Variants in KIAA0825 observed in about 807,000 individuals in gnomAD.
KIAA0825 encodes uncharacterized protein KIAA0825.
In KIAA0825, 119 loss-of-function variants were observed where a neutral mutation model predicts 147.6. That is an observed-to-expected ratio of 0.81 (90% CI 0.69 to 0.94). KIAA0825 has a LOEUF of 0.94. Ranked by LOEUF, KIAA0825 falls within the 40% of genes least tolerant of loss-of-function variation. The probability of loss-of-function intolerance (pLI) is 0.00; values close to 1 mark genes in which losing one functional copy is unlikely to be tolerated. For synonymous variants in KIAA0825, 470 were observed against 518.1 expected (o/e 0.91, Z 1.26); for missense variants, 1,381 against 1,472.7 (o/e 0.94, Z 1.02).
chr5:94,474,716 A>C (rs1761648079), intron 7 of KIAA0825, among the ~76,000 whole-genome samples: 1 of 152,156 alleles, frequency 6.6e-6, no homozygotes, highest in African/African-American at 2.4e-5. Flanking sequence ...CATTACGCTC[A>C]TAACTAAATT....
chr5:94,557,773 G>A (rs948145276), intron 2 of KIAA0825, among the ~76,000 whole-genome samples: 5 of 152,188 alleles, frequency 3.3e-5, no homozygotes, highest in Admixed American at 3.3e-4. Context: ...AGCCAGCAAT[G>A]GCTACCCTCT....
chr5:94,471,873 T>C, intron 8 of KIAA0825, 142 bp from the exon 9 acceptor site: 2 of 755,258 alleles, frequency 2.6e-6, no homozygotes, highest in South Asian at 3.8e-5. Context: ...AATCGATTTC[T>C]CAGTTGTAGA....
intron 2 of KIAA0825, among the ~76,000 whole-genome samples, chr5:94,561,726 TTTAAC>T (rs1777588945): frequency 1.3e-5 from 2 of 152,216 alleles, no homozygotes; most frequent in African/African-American, 4.8e-5. Context: ...GTTCCTCATA[TTTAAC>T]TTAATTCCTA....
At chr5:94,522,961 C>T (rs958629123) in intron 4 of KIAA0825, among the ~76,000 whole-genome samples, 1 of 151,590 alleles carries the variant, frequency 6.6e-6, no homozygotes, top group Non-Finnish European at 1.5e-5. Flanking sequence ...ATAACTATAT[C>T]CATATTTATT....
intron 20 of KIAA0825, among the ~76,000 whole-genome samples, chr5:94,363,708 T>C (rs1364894369): frequency 6.6e-6 from 1 of 151,948 alleles, no homozygotes; most frequent in Non-Finnish European, 1.5e-5. Context: ...AAAAAAAATT[T>C]TTTTTAAAAA....
intron 20 of KIAA0825, among the ~76,000 whole-genome samples, chr5:94,226,007 A>G (rs1222544779): frequency 6.6e-6 from 1 of 152,236 alleles, no homozygotes; most frequent in African/African-American, 2.4e-5. Context: ...GCCAAAACTG[A>G]CAAATGGGAT....
rs1322994680 is a variant in KIAA0825, at chr5:94,403,598, T to A, written c.2858A>T (p.Lys953Ile). The A allele has an allele frequency of 1.9e-6, 3 of 1,551,408 alleles. No individual in the cohort carries two copies. Among genetic ancestry groups the A allele is most frequent in the African/African-American group, 1.4e-5 (1 of 73,034 alleles). Residue 953 changes from lysine (K) to isoleucine (I), a missense_variant, in exon 16 of 21, where the codon AAA becomes ATA. Transcript: ENST00000682413. ...SMPKEWNYSP[K>I]ETNRKESCKS... The stretch of plus-strand genomic sequence containing the variant: ...GCATGATTCTTTCCTGTTAGTTTCT[T>A]TTGGACTATAATTCCATTCCTTTGG...
Position 94,405,743 on chromosome 5 carries a change from T to C in KIAA0825, c.2663-1950A>G, listed in dbSNP as rs1751968470. On this transcript the variant is annotated intron_variant, in intron 15 of 20. Coordinates refer to ENST00000682413, the MANE Select transcript of KIAA0825 (RefSeq NM_001145678.3). Reference sequence around the variant, plus strand: ...GACAGTAAGTAGTACGGCAACGATGTATTCTCTAGTTAGCCAGTTCAAGCA... The same window carrying C: ...GACAGTAAGTAGTACGGCAACGATGCATTCTCTAGTTAGCCAGTTCAAGCA... Among the ~76,000 whole-genome samples, 4 of 152,136 alleles carry C rather than the reference T, an allele frequency of 2.6e-5. No individual in the cohort carries two copies. In the South Asian group the frequency reaches 8.3e-4, roughly 32 times the overall value.
chr5:94,310,852 C>G (rs1366426), intron 20 of KIAA0825, among the ~76,000 whole-genome samples: 13 of 151,704 alleles, frequency 8.6e-5, no homozygotes, highest in Admixed American at 8.6e-4. Context: ...AGCTTCTTGT[C>G]ATTTGCTTAT....
intron 20 of KIAA0825, among the ~76,000 whole-genome samples, chr5:94,246,822 A>G (rs550274022): frequency 1.1e-4 from 16 of 152,264 alleles, no homozygotes; most frequent in African/African-American, 3.8e-4. Context: ...CCAAACCCAG[A>G]ACTTTATGAC....
rs187816039 is a variant in KIAA0825 at position 94,348,004 on chromosome 5, A to G, written c.3710+36364T>C. On this transcript the variant is annotated intron_variant, in intron 20 of 20. Coordinates refer to ENST00000682413, the MANE Select transcript of KIAA0825 (RefSeq NM_001145678.3). ...TGTTTAGAAATGCAAAATGCTCTGG[A>G]AAGTCTCAGCAATAGAATTAAAGAA... 5.8e-3 allele frequency among the ~76,000 whole-genome samples: 877 copies of G among 152,316 alleles called. 8 individuals carry two copies. Among genetic ancestry groups the G allele is most frequent in the African/African-American group, 0.02 (831 of 41,578 alleles).
At chr5:94,318,295 T>C (rs1779845005) in intron 20 of KIAA0825, among the ~76,000 whole-genome samples, 1 of 151,860 alleles carries the variant, frequency 6.6e-6, no homozygotes, top group Admixed American at 6.6e-5. Context: ...CATTATATGA[T>C]AGATATAAAA....
At chr5:94,326,011 T>TA (rs1204578006) in intron 20 of KIAA0825, among the ~76,000 whole-genome samples, 5 of 152,066 alleles carry the variant, frequency 3.3e-5, no homozygotes, top group Admixed American at 3.3e-4. Context: ...ACATTATGAA[T>TA]AAAAATGACA....
chr5:94,441,671 A>G (rs891126096), intron 13 of KIAA0825, among the ~76,000 whole-genome samples: 1 of 152,168 alleles, frequency 6.6e-6, no homozygotes, highest in African/African-American at 2.4e-5. Flanking sequence ...GAAACCTGGA[A>G]GAAGGCCTTC....
chr5:94,400,449 C>T (rs2150604514), intron 16 of KIAA0825, among the ~76,000 whole-genome samples: 1 of 152,204 alleles, frequency 6.6e-6, no homozygotes, highest in Non-Finnish European at 1.5e-5. Flanking sequence ...TCATCAATTT[C>T]TTTCTCAACA....
intron 20 of KIAA0825, among the ~76,000 whole-genome samples, chr5:94,377,904 T>C (rs1299394493): frequency 6.6e-6 from 1 of 152,206 alleles, no homozygotes; most frequent in Non-Finnish European, 1.5e-5. Flanking sequence ...TCTACTTGCA[T>C]TTTTTGTATC....
intron 10 of KIAA0825, among the ~76,000 whole-genome samples, chr5:94,467,446 C>A (rs574110474): frequency 5.6e-4 from 86 of 152,270 alleles, no homozygotes; most frequent in African/African-American, 2.0e-3. Flanking sequence ...TATCTTTGAA[C>A]AGACAATTCT....
intron 5 of KIAA0825, among the ~76,000 whole-genome samples, chr5:94,493,578 CG>C (rs1763978644): frequency 6.6e-6 from 1 of 152,110 alleles, no homozygotes; most frequent in Non-Finnish European, 1.5e-5. Context: ...AGCTCCACCC[CG>C]CCGGGTTCAC....
chr5:94,477,995 T>G (rs1762090629), intron 6 of KIAA0825, among the ~76,000 whole-genome samples: 1 of 152,232 alleles, frequency 6.6e-6, no homozygotes, highest in South Asian at 2.1e-4. Context: ...TGTTATGATC[T>G]AACTTTTCTT....
Sources: allele counts gnomAD v4.1 joint callset (sites outside exome capture counted in the v4.1 genomes callset), GRCh38; gene constraint gnomAD v4.1.1; transcripts MANE v1.5; gene names NCBI Gene and HGNC (gene_info 2026-07-23, HGNC 2026-07-21).